The following CDK14 variants were observed in gnomAD, a reference collection of about 807,000 sequenced individuals.
The protein encoded by CDK14 is cyclin-dependent kinase 14.
A neutral mutation model predicts 60.7 loss-of-function variants in CDK14; 34 were observed. That is an observed-to-expected ratio of 0.56 (90% CI 0.43 to 0.75). The LOEUF (loss-of-function observed/expected upper bound fraction) is 0.75, where lower values mean the gene tolerates loss of function less well. Ranked by LOEUF, CDK14 falls within the 30% of genes least tolerant of loss-of-function variation. The probability of loss-of-function intolerance (pLI) is 0.00; values close to 1 mark genes in which losing one functional copy is unlikely to be tolerated. For synonymous variants in CDK14, 197 were observed against 203.7 expected (o/e 0.97, Z 0.28); for missense variants, 482 against 564.1 (o/e 0.85, Z 1.47).
chr7:91,191,278 A>G (rs1008001519), intron 14 of CDK14, among the ~76,000 whole-genome samples: 30 of 152,140 alleles, frequency 2.0e-4, no homozygotes, highest in African/African-American at 7.2e-4. Flanking sequence ...CACTGAAACA[A>G]TCACACAAAG....
chr7:90,646,559 C>T (rs538917580), intron 2 of CDK14, among the ~76,000 whole-genome samples: 2 of 152,146 alleles, frequency 1.3e-5, no homozygotes, highest in Admixed American at 6.5e-5. Flanking sequence ...CCTCATGCTC[C>T]CAAGTCTCTG....
chr7:90,659,240 G>T (rs1800812294), intron 2 of CDK14, among the ~76,000 whole-genome samples: 1 of 152,120 alleles, frequency 6.6e-6, no homozygotes, highest in South Asian at 2.1e-4. Flanking sequence ...GTAGAATATT[G>T]GTTGAAATAA....
At chr7:90,853,514 G>A (rs567686309) in intron 5 of CDK14, among the ~76,000 whole-genome samples, 50 of 141,178 alleles carry the variant, frequency 3.5e-4, no homozygotes, top group Non-Finnish European at 6.4e-4. Context: ...AACTAAATAC[G>A]TAAACACACA....
At chr7:90,620,547 G>C (rs1029118806) in intron 2 of CDK14, among the ~76,000 whole-genome samples, 1 of 152,120 alleles carries the variant, frequency 6.6e-6, no homozygotes, top group Non-Finnish European at 1.5e-5. Flanking sequence ...CCATCTAGTA[G>C]TCTCCTTTTC....
chr7:91,050,525 T>G (rs951904007), intron 11 of CDK14, among the ~76,000 whole-genome samples: 2 of 152,352 alleles, frequency 1.3e-5, no homozygotes, highest in African/African-American at 4.8e-5. Flanking sequence ...CCTGTATATC[T>G]TCTTCTGTGC....
At chr7:91,186,677 G>A (rs1190702193) in intron 14 of CDK14, among the ~76,000 whole-genome samples, 1 of 152,164 alleles carries the variant, frequency 6.6e-6, no homozygotes, top group Non-Finnish European at 1.5e-5. Flanking sequence ...GCAGGACACA[G>A]TACACTCCAG....
intron 14 of CDK14, among the ~76,000 whole-genome samples, chr7:91,183,819 T>C (rs1802080926): frequency 6.6e-6 from 1 of 152,242 alleles, no homozygotes; most frequent in Non-Finnish European, 1.5e-5. Flanking sequence ...TCTGTCTCCA[T>C]GCCTTATCTA....
At chr7:90,795,804 A>G (rs948218710) in intron 5 of CDK14, among the ~76,000 whole-genome samples, 1 of 152,174 alleles carries the variant, frequency 6.6e-6, no homozygotes, top group Non-Finnish European at 1.5e-5. Context: ...CAGGGTGTGC[A>G]CTAGAATTAA....
rs1355268551 is a variant in CDK14 at position 90,918,231 on chromosome 7, GC to G, written c.826+508del. Among the ~76,000 whole-genome samples the G allele has an allele frequency of 5.3e-5, 8 of 152,136 alleles. No individual in the cohort carries two copies. In the East Asian group the frequency reaches 1.5e-3, roughly 29 times the overall value. On this transcript the variant is annotated intron_variant, in intron 8 of 14. Transcript: ENST00000380050. Reference sequence around the variant, plus strand: ...ACACAATAATGTACATTGCCCTGAGGCTTTAATAACTAGAAATCTAGATGTA... The same window carrying G: ...ACACAATAATGTACATTGCCCTGAGGTTTAATAACTAGAAATCTAGATGTA...
At chr7:90,777,356 A>G (rs987888193) in intron 4 of CDK14, among the ~76,000 whole-genome samples, 13 of 152,208 alleles carry the variant, frequency 8.5e-5, no homozygotes, top group Admixed American at 6.5e-5. Flanking sequence ...ATAGTTGAAA[A>G]ACTTTTGAAT....
At chr7:90,941,964 G>T (rs1213796048) in intron 8 of CDK14, among the ~76,000 whole-genome samples, 1 of 152,180 alleles carries the variant, frequency 6.6e-6, no homozygotes. Context: ...GGGCAAAGCT[G>T]ACCCTTTTCT....
At chr7:90,860,404 A>C (rs1024019145) in intron 5 of CDK14, among the ~76,000 whole-genome samples, 2 of 152,060 alleles carry the variant, frequency 1.3e-5, no homozygotes, top group African/African-American at 4.8e-5. Flanking sequence ...AAGGCGGAAA[A>C]CTAAGTGCCC....
At chr7:90,910,132 T>C (rs1412102205) in intron 7 of CDK14, among the ~76,000 whole-genome samples, 3 of 152,234 alleles carry the variant, frequency 2.0e-5, no homozygotes, top group Admixed American at 6.5e-5. Context: ...TAAATTATAC[T>C]GTAATGTTGA....
intron 2 of CDK14, among the ~76,000 whole-genome samples, chr7:90,644,774 T>C (rs918862149): frequency 2.6e-5 from 4 of 152,332 alleles, no homozygotes; most frequent in Middle Eastern, 6.8e-3. Flanking sequence ...ATTAGATTCC[T>C]GCACTCGCCA....
At chr7:91,067,747 A>G (rs1412387926) in intron 11 of CDK14, among the ~76,000 whole-genome samples, 3 of 152,234 alleles carry the variant, frequency 2.0e-5, no homozygotes, top group Non-Finnish European at 4.4e-5. Flanking sequence ...GTGCACAGCT[A>G]AAATTAGCAT....
chr7:90,971,096 C>G (rs531418587), intron 9 of CDK14, among the ~76,000 whole-genome samples: 1 of 151,808 alleles, frequency 6.6e-6, no homozygotes, highest in African/African-American at 2.4e-5. Context: ...CAACAGTCCC[C>G]GGTGTGTGTC....
At chr7:90,732,839 T>A (rs1458065663) in intron 3 of CDK14, among the ~76,000 whole-genome samples, 1 of 152,202 alleles carries the variant, frequency 6.6e-6, no homozygotes, top group Non-Finnish European at 1.5e-5. Flanking sequence ...CTCTATATCC[T>A]TCAGTTCTGC....
At chr7:90,986,119 A>G (rs1293919353) in intron 10 of CDK14, among the ~76,000 whole-genome samples, 7 of 152,100 alleles carry the variant, frequency 4.6e-5, no homozygotes, top group Admixed American at 1.3e-4. Context: ...TATTTCCACT[A>G]AACAATTTGT....
chr7:90,705,447 T>G (rs1031759607), intron 2 of CDK14, among the ~76,000 whole-genome samples: 1 of 152,054 alleles, frequency 6.6e-6, no homozygotes, highest in Non-Finnish European at 1.5e-5. Context: ...CTTCAGACCC[T>G]ATTTATGTGA....
Sources: allele counts gnomAD v4.1 joint callset (sites outside exome capture counted in the v4.1 genomes callset), GRCh38; gene constraint gnomAD v4.1.1; transcripts MANE v1.5; gene names NCBI Gene and HGNC (gene_info 2026-07-23, HGNC 2026-07-21).